Variants in PRRC2C observed in about 807,000 individuals in gnomAD.
PRRC2C encodes proline rich coiled-coil 2C.
A neutral mutation model predicts 317.2 loss-of-function variants in PRRC2C; 72 were observed. That is an observed-to-expected ratio of 0.23 (90% CI 0.19 to 0.28). PRRC2C has a LOEUF of 0.28. Among genes scored for constraint, PRRC2C ranks in the 10% least tolerant of loss-of-function variants. PRRC2C has a pLI of 1.00. For missense variants in PRRC2C, 3,074 were observed against 3,459.7 expected, an observed-to-expected ratio of 0.89 and a Z score of 2.80; for synonymous variants, 1,296 against 1,205.9, an observed-to-expected ratio of 1.07 and a Z score of -1.55.
Position 171,587,726 on chromosome 1 carries a change from A to G in PRRC2C, c.8047A>G (p.Thr2683Ala), listed in dbSNP as rs1186930582. Residue 2683 changes from threonine to alanine, a missense_variant, in exon 32 of 35, where the codon ACC becomes GCC. By Grantham distance (58) the Thr-to-Ala change is moderately conservative (BLOSUM62 0). Transcript: ENST00000647382. ...PGTPPIAGRSTTPTSSPFRAT... is the reference protein window; with the variant it reads ...PGTPPIAGRSATPTSSPFRAT... The stretch of plus-strand genomic sequence containing the variant: ...CACACCTCCAATCGCTGGTAGAAGC[A>G]CCACACCAACATCTAGTCCCTTCCG... 1.2e-6 allele frequency: 2 copies of G among 1,612,194 alleles called. No homozygotes were observed. The highest frequency in any genetic ancestry group is 1.7e-6 in the Non-Finnish European group (2 of 1,178,346).
At chr1:171,526,385 T>C (rs1362754891) in intron 10 of PRRC2C, among the ~76,000 whole-genome samples, 1 of 152,224 alleles carries the variant, frequency 6.6e-6, no homozygotes, top group African/African-American at 2.4e-5. Flanking sequence ...TCACCCAGGC[T>C]GGAATGGAGT....
chr1:171,589,308 GTTTT>G (rs11284338), intron 33 of PRRC2C, 57 bp from the exon 34 acceptor site: 254 of 445,802 alleles, frequency 5.7e-4, no homozygotes, highest in Non-Finnish European at 7.1e-4. Context: ...CTAGTTGGCA[GTTTT>G]TTTTTTTTTT....
At chr1:171,487,309 T>C (rs1666316462) in intron 1 of PRRC2C, among the ~76,000 whole-genome samples, 1 of 152,180 alleles carries the variant, frequency 6.6e-6, no homozygotes, top group South Asian at 2.1e-4. Context: ...ATTGTGTAGG[T>C]TCAATTCCAT....
Position 171,557,875 on chromosome 1 carries a change from C to T in PRRC2C, c.5763C>T (p.Val1921=). ...CCCCAGCCCCAGCCCCTACCCCAGT[C>T]TCAGCCCCAAATCCTGCCCCACCTG... The part of the protein sequence containing the change: ...ASAPAPAPTP[V]SAPNPAPPAP... Residue 1921 remains valine, a synonymous_variant, in exon 19 of 35, where the codon GTC becomes GTT. Coordinates refer to ENST00000647382, the MANE Select transcript of PRRC2C (RefSeq NM_001387844.1). 2.0e-6 allele frequency: 3 copies of T among 1,528,770 alleles called. No homozygotes were observed. The highest frequency in any genetic ancestry group is 2.6e-6 in the Non-Finnish European group (3 of 1,133,266). 94.7% of individuals were successfully genotyped at this position (1,528,770 alleles called of 1,614,324 possible). A position where few individuals can be genotyped will look rare whatever the true frequency, so the allele number is the denominator to read the frequency against.
At chr1:171,490,541 T>G (rs1207975036) in intron 1 of PRRC2C, among the ~76,000 whole-genome samples, 1 of 151,854 alleles carries the variant, frequency 6.6e-6, no homozygotes, top group Admixed American at 6.6e-5. Context: ...CGCAAAGGAG[T>G]AGGTTTATTT....
Position 171,528,219 on chromosome 1 carries a change from C to T in PRRC2C, c.1254+375C>T, listed in dbSNP as rs539217115. Among the ~76,000 whole-genome samples, 13 of 152,044 alleles carry T rather than the reference C, an allele frequency of 8.6e-5. No individual in the cohort carries two copies. In the East Asian group the frequency reaches 1.9e-3, roughly 23 times the overall value. ...AACTTCACAAAAACCTCTCTCTTTA[C>T]ATTACTCCATCCCACTTTCCATCCC... On this transcript the variant is annotated intron_variant, in intron 11 of 34. Transcript: ENST00000647382.
intron 34 of PRRC2C, among the ~76,000 whole-genome samples, chr1:171,589,894 A>G (rs1039210642): frequency 2.6e-5 from 4 of 151,148 alleles, no homozygotes; most frequent in Non-Finnish European, 4.4e-5. Flanking sequence ...TCAAATAAAT[A>G]TTTGAGGGAG....
rs749568067 is a variant in PRRC2C at position 171,540,298 on chromosome 1, A to G, written c.2832A>G (p.Pro944=). Residue 944 remains proline, a synonymous_variant, in exon 16 of 35, where the codon CCA becomes CCG. Transcript: ENST00000647382. ...TQKPDEQRSE[P]SAGIPKVTSR... ...AACCAGACGAGCAGAGAAGTGAACC[A>G]TCTGCAGGCATTCCTAAAGTAACCA... 1 of 1,613,870 alleles carries G rather than the reference A, an allele frequency of 6.2e-7. No individual in the cohort carries two copies. The highest frequency in any genetic ancestry group is 1.1e-5 in the South Asian group (1 of 91,066).
chr1:171,565,941 G>A (rs1464080262), intron 20 of PRRC2C, among the ~76,000 whole-genome samples: 1 of 152,026 alleles, frequency 6.6e-6, no homozygotes, highest in Non-Finnish European at 1.5e-5. Flanking sequence ...TTGCTTTTAC[G>A]TTTGTTTTAA....
At position 171,528,323 on chromosome 1, in the gene PRRC2C, C is replaced by G. The variant is rs185613086; in HGVS notation, c.1254+479C>G. Among the ~76,000 whole-genome samples the G allele has an allele frequency of 1.5e-3, 220 of 142,528 alleles. 1 individual carries two copies. The highest frequency in any genetic ancestry group is 7.6e-3 in the Admixed American group (105 of 13,842). 93.5% of individuals were successfully genotyped at this position (142,528 alleles called of 152,430 possible). Reference sequence around the variant, plus strand: ...TTTTTTTTTTAGACAGAGTCTAGCTCTGTCGCCCAGGCCGGAGTGCAGTGG... The same window carrying G: ...TTTTTTTTTTAGACAGAGTCTAGCTGTGTCGCCCAGGCCGGAGTGCAGTGG... On this transcript the variant is annotated intron_variant, in intron 11 of 34. Coordinates refer to ENST00000647382, the MANE Select transcript of PRRC2C (RefSeq NM_001387844.1).
chr1:171,486,831 CT>C (rs1369514605), intron 1 of PRRC2C, among the ~76,000 whole-genome samples: 1 of 152,198 alleles, frequency 6.6e-6, no homozygotes, highest in Non-Finnish European at 1.5e-5. Flanking sequence ...CCTACCAAGC[CT>C]AACCCCACCA....
At chr1:171,573,654 T>C (rs1171287295) in intron 24 of PRRC2C, among the ~76,000 whole-genome samples, 2 of 150,978 alleles carry the variant, frequency 1.3e-5, no homozygotes, top group East Asian at 1.9e-4. Context: ...GGGTAAAATA[T>C]GTACTATGTC....
chr1:171,555,507 C>T (rs966679455), intron 18 of PRRC2C, among the ~76,000 whole-genome samples: 1 of 152,200 alleles, frequency 6.6e-6, no homozygotes, highest in Non-Finnish European at 1.5e-5. Flanking sequence ...TGTTCCGTTG[C>T]TGGCGAGGAG....
intron 1 of PRRC2C, among the ~76,000 whole-genome samples, chr1:171,493,770 C>T (rs774223828): frequency 7.9e-5 from 12 of 152,028 alleles, no homozygotes; most frequent in Non-Finnish European, 1.2e-4. Context: ...TACCACTGCA[C>T]TCTAGCCTGG....
chr1:171,543,393 C>T (rs1272659864), intron 16 of PRRC2C, among the ~76,000 whole-genome samples: 2 of 151,468 alleles, frequency 1.3e-5, no homozygotes, highest in Non-Finnish European at 2.9e-5. Flanking sequence ...AGCATTATAA[C>T]GTAGCAGTTA....
rs1198425694 is a variant in PRRC2C at position 171,522,871 on chromosome 1, T to C, written c.834-350T>C. Among the ~76,000 whole-genome samples the C allele has an allele frequency of 6.6e-5, 10 of 151,814 alleles. No individual in the cohort carries two copies. In the East Asian group the frequency reaches 1.2e-3, roughly 18 times the overall value. ...TATGGACTCCCCATTTTCTTTCTTT[T>C]TTTTTTTTTGCTTATTATATGAGAC... On this transcript the variant is annotated intron_variant, in intron 7 of 34. Transcript: ENST00000647382.
intron 21 of PRRC2C, 57 bp downstream of exon 21, chr1:171,566,478 AAAT>A: frequency 6.7e-7 from 1 of 1,494,624 alleles, no homozygotes; most frequent in Non-Finnish European, 8.9e-7. Context: ...CATGAAGAGC[AAAT>A]AATACTTTTA....
At chr1:171,493,148 G>A (rs1310400075) in intron 1 of PRRC2C, among the ~76,000 whole-genome samples, 1 of 152,068 alleles carries the variant, frequency 6.6e-6, no homozygotes, top group Non-Finnish European at 1.5e-5. Context: ...TAGAAGAAGA[G>A]GGCCAATGAT....
At chr1:171,508,433 G>A (rs1348808708) in intron 1 of PRRC2C, among the ~76,000 whole-genome samples, 1 of 152,124 alleles carries the variant, frequency 6.6e-6, no homozygotes. Flanking sequence ...TTAAACTGTG[G>A]TATATCACAT....
Sources: gnomAD v4.1 joint callset for allele counts (sites outside exome capture counted in the v4.1 genomes callset) on GRCh38, gnomAD v4.1.1 for gene constraint, MANE v1.5 for transcripts, NCBI Gene and HGNC (gene_info 2026-07-23, HGNC 2026-07-21) for gene names.